PDE2A: variants seen among roughly 807,000 people sequenced by gnomAD.
PDE2A encodes phosphodiesterase 2A.
PDE2A carries 53 observed loss-of-function variants against 133.6 expected under a neutral mutation model. The observed-to-expected ratio is 0.40, with a 90% CI of 0.32 to 0.50. The LOEUF (loss-of-function observed/expected upper bound fraction) is 0.50. PDE2A is among the 20% of genes least tolerant of loss of function. PDE2A has a pLI of 0.73. For synonymous variants in PDE2A, 491 were observed against 490.2 expected (o/e 1.00, Z -0.02); for missense variants, 796 against 1,232.4 (o/e 0.65, Z 5.30).
At chr11:72,654,076 G>A (rs1048989885) in intron 1 of PDE2A, among the ~76,000 whole-genome samples, 1 of 152,226 alleles carries the variant, frequency 6.6e-6, no homozygotes, top group Non-Finnish European at 1.5e-5. Flanking sequence ...AGATTACAGA[G>A]CCTAAGATGG....
At chr11:72,593,395 C>G (rs894411707) in intron 6 of PDE2A, among the ~76,000 whole-genome samples, 3 of 152,138 alleles carry the variant, frequency 2.0e-5, no homozygotes, top group Non-Finnish European at 4.4e-5. Context: ...CCAACAGGAA[C>G]ACACACTTAC....
chr11:72,610,584 C>A (rs1013767927), intron 2 of PDE2A, among the ~76,000 whole-genome samples: 11 of 152,150 alleles, frequency 7.2e-5, no homozygotes, highest in African/African-American at 2.7e-4. Context: ...TTTCCCCAAC[C>A]CCCAGGCTTC....
chr11:72,605,490 C>T (rs1327068310), intron 3 of PDE2A, among the ~76,000 whole-genome samples: 1 of 152,160 alleles, frequency 6.6e-6, no homozygotes, highest in African/African-American at 2.4e-5. Flanking sequence ...TTTTTACCAC[C>T]CAAAACCCAA....
chr11:72,593,583 G>T (rs995727499), intron 6 of PDE2A, among the ~76,000 whole-genome samples: 1 of 152,214 alleles, frequency 6.6e-6, no homozygotes, highest in Non-Finnish European at 1.5e-5. Context: ...TGGTGTGGCT[G>T]GTGCAGCTGG....
rs34217943 is a variant in PDE2A, at chr11:72,664,364, A to ATT, written c.71+9771_71+9772dup. On this transcript the variant is annotated intron_variant, in intron 1 of 30. Transcript: ENST00000334456. ...CAAAATAGGGCTAGCCCCTTGAAGG[A>ATT]TTTTTTTTTTTTTTTTTTTTTTTTT... 4.9e-4 allele frequency among the ~76,000 whole-genome samples: 34 copies of ATT among 70,102 alleles called. 2 individuals carry two copies. Among genetic ancestry groups the ATT allele is most frequent in the Admixed American group, 1.1e-3 (6 of 5,554 alleles). The allele number at this position is 70,102 out of a possible 152,430, so 46.0% of individuals were successfully genotyped here.
chr11:72,629,721 C>T (rs1281577194), intron 2 of PDE2A, among the ~76,000 whole-genome samples: 2 of 152,152 alleles, frequency 1.3e-5, no homozygotes, highest in African/African-American at 2.4e-5. Context: ...ACTCAGGGGC[C>T]GGGAAAGAGT....
intron 1 of PDE2A, 166 bp from the exon 2 acceptor site, chr11:72,642,492 CGCCCGCCCCCG>C (rs1372470602): frequency 1.3e-5 from 9 of 691,426 alleles, no homozygotes; most frequent in Non-Finnish European, 1.6e-5. Context: ...GCCCGCCCCC[CGCCCGCCCCCG>C]GCCCGCCCCG....
At chr11:72,584,430 A>G (rs1453186080) in intron 18 of PDE2A, 117 bp from the exon 19 acceptor site, 1 of 1,315,728 alleles carries the variant, frequency 7.6e-7, no homozygotes, top group Non-Finnish European at 1.1e-6. Context: ...CCAGGCATGG[A>G]ACCCGACTCC....
chr11:72,643,942 G>A (rs948969368), intron 1 of PDE2A, among the ~76,000 whole-genome samples: 7 of 152,054 alleles, frequency 4.6e-5, no homozygotes, highest in Admixed American at 1.3e-4. Context: ...TGAGCCTGGC[G>A]GGCCAGACCC....
In PDE2A at chr11:72,577,478, T is replaced by C. The variant is rs1173097993; in HGVS notation, c.2732A>G (p.Asn911Ser). The C allele has an allele frequency of 6.2e-7, 1 of 1,613,752 alleles. No homozygotes were observed. The highest frequency in any genetic ancestry group is 8.5e-7 in the Non-Finnish European group (1 of 1,179,990). ...KFTIRGLPSN[N>S]SLDFLDEEYE... Reference sequence around the variant, plus strand: ...CTCCTCATCCAGGAAGTCCAGCGAGTTGTTACTTGGGAGGCCGCGGATGGT... The same window carrying C: ...CTCCTCATCCAGGAAGTCCAGCGAGCTGTTACTTGGGAGGCCGCGGATGGT... Residue 911 changes from asparagine to serine, a missense_variant, in exon 31 of 31, where the codon AAC becomes AGC. Transcript: ENST00000334456.
chr11:72,668,946 G>GGCCCCGCTAAATCTTTCTGA, intron 1 of PDE2A: 1 of 1,007,312 alleles, frequency 9.9e-7, no homozygotes, highest in Admixed American at 5.2e-5. Context: ...TCCCTCTCCA[G>GGCCCCGCTAAATCTTTCTGA]GCCCCGCTAA....
intron 4 of PDE2A, among the ~76,000 whole-genome samples, chr11:72,602,608 AG>A (rs1856806801): frequency 6.6e-6 from 1 of 152,192 alleles, no homozygotes; most frequent in Admixed American, 6.5e-5. Flanking sequence ...CACAGAAAAA[AG>A]GCCAGAAGAG....
intron 25 of PDE2A, among the ~76,000 whole-genome samples, chr11:72,580,370 C>G (rs541998403): frequency 6.6e-6 from 1 of 152,268 alleles, no homozygotes; most frequent in East Asian, 1.9e-4. Context: ...AAGGGAAACA[C>G]GCTGAACACA....
chr11:72,596,621 T>C lies in PDE2A; in HGVS notation c.461A>G (p.Glu154Gly). 6.6e-7 allele frequency: 1 copy of C among 1,515,734 alleles called. No individual in the cohort carries two copies. The highest frequency in any genetic ancestry group is 8.9e-7 in the Non-Finnish European group (1 of 1,124,272). 93.9% of individuals were successfully genotyped at this position (1,515,734 alleles called of 1,614,324 possible). Reference protein sequence around the residue: ...QVLVMPLADKEAGAVAAVILV... With the variant: ...QVLVMPLADKGAGAVAAVILV... ...GATGACAGCTGCCACGGCCCCAGCC[T>C]CCTTGTCCGCTAGCGGCATGACCAG... The change falls in exon 6 of 31, where the codon GAG becomes GGG. Residue 154 changes from glutamate to glycine, a missense_variant. This residue lies in a region of PDE2A where 417 missense variants were observed against 475.3 expected (regional missense o/e 0.88). Coordinates refer to ENST00000334456, the MANE Select transcript of PDE2A (RefSeq NM_002599.5).
intron 1 of PDE2A, among the ~76,000 whole-genome samples, chr11:72,662,110 G>T (rs769496223): frequency 2.6e-5 from 4 of 152,154 alleles, no homozygotes; most frequent in Non-Finnish European, 5.9e-5. Context: ...TTGTGGCCAG[G>T]TCCCTTATCT....
intron 3 of PDE2A, among the ~76,000 whole-genome samples, chr11:72,608,231 A>G (rs1300292960): frequency 1.3e-5 from 2 of 152,150 alleles, no homozygotes; most frequent in Non-Finnish European, 2.9e-5. Flanking sequence ...ATGCATGTCT[A>G]TTCATCAAAG....
chr11:72,608,657 C>T lies in PDE2A; in HGVS notation c.234+5G>A. On this transcript the variant is annotated splice_donor_5th_base_variant and intron_variant, in intron 3 of 30. Coordinates refer to ENST00000334456, the MANE Select transcript of PDE2A (RefSeq NM_002599.5). ...GGGAAGCGTGGGGCAAGGGCGGGCA[C>T]CTACCACTCGGGGGAGCACAGCTGA... The T allele has an allele frequency of 6.6e-7, 1 of 1,507,572 alleles. No individual in the cohort carries two copies. 93.4% of individuals were successfully genotyped at this position (1,507,572 alleles called of 1,614,324 possible).
rs549138657 is a variant in PDE2A, at chr11:72,626,086, G to A, written c.144+16168C>T. Among the ~76,000 whole-genome samples the A allele has an allele frequency of 4.1e-4, 62 of 152,382 alleles. 2 individuals are homozygous for A. The Middle Eastern group carries it at 0.02, about 50-fold the overall frequency. The stretch of plus-strand genomic sequence containing the variant: ...TCAACTCCAGGCCCTTGACGAGGCT[G>A]GCCCTCCCTGGGCCTAGGCCTTGCC... On this transcript the variant is annotated intron_variant, in intron 2 of 30. Transcript: ENST00000334456.
chr11:72,649,058 G>A (rs1285441310), intron 1 of PDE2A, among the ~76,000 whole-genome samples: 1 of 152,108 alleles, frequency 6.6e-6, no homozygotes. Context: ...AGGACAATTG[G>A]AGCCCTGGTC....
Sources: gnomAD v4.1 joint callset for allele counts (sites outside exome capture counted in the v4.1 genomes callset) on GRCh38, gnomAD v4.1.1 for gene constraint, gnomAD v4.1.1 regional missense constraint, MANE v1.5 for transcripts, NCBI Gene and HGNC (gene_info 2026-07-23, HGNC 2026-07-21) for gene names.